The following CDH13 variants were observed in gnomAD, a reference collection of about 807,000 sequenced individuals.
CDH13 encodes the protein cadherin 13, also known as cadherin-13.
Under a neutral mutation model 63.8 loss-of-function variants are expected in CDH13, and 24 were observed. That is an observed-to-expected ratio of 0.38 (90% CI 0.27 to 0.53). The LOEUF (loss-of-function observed/expected upper bound fraction) is 0.53, where lower values mean the gene tolerates loss of function less well. CDH13 is among the 20% of genes least tolerant of loss of function. The pLI, the probability that CDH13 is intolerant of heterozygous loss-of-function variation, is 0.85. For synonymous variants in CDH13, 503 were observed against 355.3 expected (o/e 1.42, Z -4.67); for missense variants, 1,049 against 903.1 (o/e 1.16, Z -2.07).
rs1212924355 is a variant in CDH13 at position 83,128,357 on chromosome 16, A to G, written c.483+2856A>G. ...AATGCATATTTTCATGTCCCACCCC[A>G]AAACCACTGAGCCAAAAACTCTGGG... On this transcript the variant is annotated intron_variant, in intron 4 of 13. Coordinates refer to ENST00000567109, the MANE Select transcript of CDH13 (RefSeq NM_001257.5). Among the ~76,000 whole-genome samples, 3 of 152,182 alleles carry G rather than the reference A, an allele frequency of 2.0e-5. No individual in the cohort carries two copies. In the East Asian group the frequency reaches 5.8e-4, roughly 29 times the overall value.
At chr16:83,457,565 A>G (rs930577175) in intron 6 of CDH13, among the ~76,000 whole-genome samples, 1 of 152,114 alleles carries the variant, frequency 6.6e-6, no homozygotes, top group African/African-American at 2.4e-5. Flanking sequence ...CATCATCATC[A>G]TCTACCTCTA....
At chr16:83,476,895 G>C (rs2058552298) in intron 6 of CDH13, among the ~76,000 whole-genome samples, 1 of 152,156 alleles carries the variant, frequency 6.6e-6, no homozygotes, top group South Asian at 2.1e-4. Flanking sequence ...TCAGCATAGA[G>C]TATCCTATGT....
At chr16:83,125,347 TG>T (rs2035763820) in intron 3 of CDH13, 37 bp from the exon 4 acceptor site, 1 of 1,098,310 alleles carries the variant, frequency 9.1e-7, no homozygotes, top group Non-Finnish European at 1.4e-6. Flanking sequence ...ATCATTTCAA[TG>T]GGAGATTTTA....
intron 3 of CDH13, among the ~76,000 whole-genome samples, chr16:83,111,688 G>A (rs1030451778): frequency 2.0e-5 from 3 of 152,188 alleles, no homozygotes; most frequent in African/African-American, 7.2e-5. Context: ...GTTGAGATGA[G>A]AAGCAGTGAA....
chr16:83,056,338 G>A (rs1018391740), intron 3 of CDH13, among the ~76,000 whole-genome samples: 2 of 151,910 alleles, frequency 1.3e-5, no homozygotes, highest in Admixed American at 6.6e-5. Context: ...TACACTAAAG[G>A]CTCTTACAAG....
intron 3 of CDH13, among the ~76,000 whole-genome samples, chr16:83,123,843 T>C (rs916431213): frequency 1.3e-5 from 2 of 152,206 alleles, no homozygotes; most frequent in African/African-American, 4.8e-5. Flanking sequence ...AGCATTCTTT[T>C]TTCTCTTCAG....
At chr16:83,309,110 C>G (rs1006737976) in intron 5 of CDH13, among the ~76,000 whole-genome samples, 5 of 152,124 alleles carry the variant, frequency 3.3e-5, no homozygotes, top group Non-Finnish European at 5.9e-5. Context: ...GTTTTATATT[C>G]TTTTGACTTT....
At chr16:83,444,579 T>G (rs1035989909) in intron 6 of CDH13, among the ~76,000 whole-genome samples, 1 of 152,148 alleles carries the variant, frequency 6.6e-6, no homozygotes, top group African/African-American at 2.4e-5. Flanking sequence ...CAGAACCATG[T>G]CCTCTCTTGT....
chr16:83,629,367 A>G (rs1360988447), intron 8 of CDH13, among the ~76,000 whole-genome samples: 2 of 152,212 alleles, frequency 1.3e-5, no homozygotes, highest in Non-Finnish European at 2.9e-5. Flanking sequence ...TCCCATTTAC[A>G]TTCCAAAGTC....
intron 2 of CDH13, among the ~76,000 whole-genome samples, chr16:82,896,707 T>G (rs991205269): frequency 2.0e-5 from 3 of 149,868 alleles, no homozygotes; most frequent in Non-Finnish European, 4.4e-5. Context: ...GGTCTGACTC[T>G]CAGTGAATAA....
At chr16:82,681,131 T>A (rs1456258473) in intron 1 of CDH13, among the ~76,000 whole-genome samples, 2 of 152,196 alleles carry the variant, frequency 1.3e-5, no homozygotes, top group Non-Finnish European at 2.9e-5. Flanking sequence ...CTCTGGTGTC[T>A]GAAAGATTAA....
intron 6 of CDH13, among the ~76,000 whole-genome samples, chr16:83,446,617 C>T (rs1203448379): frequency 6.6e-6 from 1 of 152,130 alleles, no homozygotes. Context: ...CAATTTTCTG[C>T]TCATTTCTCC....
rs1445608374 is a variant in CDH13 at position 83,172,162 on chromosome 16, GAT to G, written c.484-45181_484-45180del. On this transcript the variant is annotated intron_variant, in intron 4 of 13. Coordinates refer to ENST00000567109, the MANE Select transcript of CDH13 (RefSeq NM_001257.5). The stretch of plus-strand genomic sequence containing the variant: ...ATGCCTATAAAAAGAGAAATTTGGA[GAT>G]AGACTCACACTCAGAGAGAACTCCA... Among the ~76,000 whole-genome samples the G allele has an allele frequency of 5.3e-5, 8 of 152,116 alleles. No individual in the cohort carries two copies. The East Asian group carries it at 1.2e-3, about 22-fold the overall frequency.
intron 5 of CDH13, among the ~76,000 whole-genome samples, chr16:83,288,171 C>T (rs1436732994): frequency 6.6e-6 from 1 of 152,058 alleles, no homozygotes; most frequent in East Asian, 1.9e-4. Context: ...TTTTTTGGTG[C>T]CTCCTTTGAG....
chr16:83,779,822 C>T, intron 11 of CDH13, 146 bp from the exon 12 acceptor site: 1 of 597,240 alleles, frequency 1.7e-6, no homozygotes, highest in Non-Finnish European at 2.9e-6. Context: ...CGCACCACTG[C>T]ATTCCAGTCT....
intron 10 of CDH13, among the ~76,000 whole-genome samples, chr16:83,727,228 G>A (rs1269608072): frequency 6.6e-6 from 1 of 152,044 alleles, no homozygotes; most frequent in African/African-American, 2.4e-5. Context: ...TCCTGTCTCT[G>A]TGGGTTTGCC....
At chr16:82,655,804 A>G (rs1911228264) in intron 1 of CDH13, among the ~76,000 whole-genome samples, 3 of 152,116 alleles carry the variant, frequency 2.0e-5, no homozygotes, top group Admixed American at 2.0e-4. Flanking sequence ...CCATTTTAAC[A>G]ATGGGGAAAC....
intron 1 of CDH13, among the ~76,000 whole-genome samples, chr16:82,677,446 C>CTTTTTTTTTTTTTTTTTTTGTTT (rs3041877): frequency 7.6e-6 from 1 of 130,728 alleles, no homozygotes; most frequent in African/African-American, 2.9e-5. Context: ...ACTCTTCTGC[C>CTTTTTTTTTTTTTTTTTTTGTTT]TTTTTTTTTT....
At chr16:83,095,386 G>GT (rs2034143342) in intron 3 of CDH13, among the ~76,000 whole-genome samples, 1 of 152,136 alleles carries the variant, frequency 6.6e-6, no homozygotes, top group Non-Finnish European at 1.5e-5. Context: ...ATGCCATATG[G>GT]TTTTATCATC....
Sources: gnomAD v4.1 joint callset for allele counts (sites outside exome capture counted in the v4.1 genomes callset) on GRCh38, gnomAD v4.1.1 for gene constraint, MANE v1.5 for transcripts, NCBI Gene and HGNC (gene_info 2026-07-23, HGNC 2026-07-21) for gene names.